ANKRD27: variants seen among roughly 807,000 people sequenced by gnomAD.
ANKRD27 encodes the protein ankyrin repeat domain-containing protein 27.
A neutral mutation model predicts 129.7 loss-of-function variants in ANKRD27; 112 were observed. The ratio of observed to expected loss-of-function variants is 0.86; its 90% confidence interval spans 0.74 to 1.01. The LOEUF (loss-of-function observed/expected upper bound fraction) is 1.01. Among genes scored for constraint, ANKRD27 ranks in the 50% least tolerant of loss-of-function variants. The pLI, the probability that ANKRD27 is intolerant of heterozygous loss-of-function variation, is 0.00. For missense variants in ANKRD27, 1,258 were observed against 1,300.5 expected, an observed-to-expected ratio of 0.97 and a Z score of 0.50; for synonymous variants, 516 against 511.2, an observed-to-expected ratio of 1.01 and a Z score of -0.13.
chr19:32,659,144 T>C (rs998667582), intron 1 of ANKRD27, 99 bp from the exon 2 acceptor site: 2 of 620,360 alleles, frequency 3.2e-6, no homozygotes, highest in African/African-American at 1.9e-5. Flanking sequence ...TTTTTCTTTT[T>C]TTTTTTTTTT....
chr19:32,615,804 CA>C (rs1176719055), intron 21 of ANKRD27, 24 bp from the exon 22 acceptor site: 4 of 1,606,788 alleles, frequency 2.5e-6, no homozygotes, highest in Middle Eastern at 1.7e-4. Flanking sequence ...GTAACGGAAA[CA>C]GGAACACATC....
chr19:32,647,231 C>T (rs981479261), intron 3 of ANKRD27, among the ~76,000 whole-genome samples: 1 of 152,210 alleles, frequency 6.6e-6, no homozygotes, highest in African/African-American at 2.4e-5. Flanking sequence ...ATCGCAGACT[C>T]TCCCTCCGTG....
intron 2 of ANKRD27, among the ~76,000 whole-genome samples, chr19:32,653,370 C>T (rs538739152): frequency 6.6e-6 from 1 of 152,224 alleles, no homozygotes; most frequent in East Asian, 1.9e-4. Context: ...GTTCAATCTC[C>T]TTTGAAATTT....
chr19:32,633,649 T>C (rs1967040238), intron 12 of ANKRD27, among the ~76,000 whole-genome samples: 2 of 152,068 alleles, frequency 1.3e-5, no homozygotes, highest in South Asian at 4.2e-4. Flanking sequence ...TTCTCTCTTT[T>C]TTTCATTCAC....
At position 32,641,764 on chromosome 19, in the gene ANKRD27, C is replaced by CTTTTTTTTTTTTTTTT. The variant is rs35422369; in HGVS notation, c.904+259_904+260insAAAAAAAAAAAAAAAA. Among the ~76,000 whole-genome samples, 4 of 79,726 alleles carry CTTTTTTTTTTTTTTTT rather than the reference C, an allele frequency of 5.0e-5. 1 individual carries two copies. The highest frequency in any genetic ancestry group is 7.1e-5 in the African/African-American group (1 of 14,170). 52.3% of individuals were successfully genotyped at this position (79,726 alleles called of 152,430 possible). A position where few individuals can be genotyped will look rare whatever the true frequency, so the allele number is the denominator to read the frequency against. On this transcript the variant is annotated intron_variant, in intron 10 of 28. Coordinates refer to ENST00000306065, the MANE Select transcript of ANKRD27 (RefSeq NM_032139.3). ...TTTCTTGACTTGTTTTCTTTTACTT[C>CTTTTTTTTTTTTTTTT]TTCTTTTTTTTTTTTTTTTTTGAGA...
rs1005057190 is a variant in ANKRD27, at chr19:32,621,795, T to TC, written c.1827+626dup. On this transcript the variant is annotated intron_variant, in intron 18 of 28. Coordinates refer to ENST00000306065, the MANE Select transcript of ANKRD27 (RefSeq NM_032139.3). Reference sequence around the variant, plus strand: ...GTCTCCATTTCACAGGGCCCTGTGCTCCCCCTGGTCAGTCTGCCACATGCC... The same window carrying TC: ...GTCTCCATTTCACAGGGCCCTGTGCTCCCCCCTGGTCAGTCTGCCACATGCC... 6.6e-5 allele frequency among the ~76,000 whole-genome samples: 10 copies of TC among 151,814 alleles called. 1 individual carries two copies. Among genetic ancestry groups the TC allele is most frequent in the South Asian group, 6.2e-4 (3 of 4,804 alleles).
At chr19:32,666,068 C>T (rs146060711) in intron 1 of ANKRD27, among the ~76,000 whole-genome samples, 2,145 of 152,098 alleles carry the variant, frequency 0.014, 49 homozygotes, top group Non-Finnish European at 0.017. Flanking sequence ...ACACTCAGCC[C>T]TATAATTATG....
chr19:32,610,664 C>A (rs761814517), intron 22 of ANKRD27, among the ~76,000 whole-genome samples: 1 of 151,048 alleles, frequency 6.6e-6, no homozygotes, highest in Non-Finnish European at 1.5e-5. Flanking sequence ...TGGCGGCATG[C>A]ACCTGTAGTC....
At chr19:32,636,571 T>C (rs1429593913) in intron 12 of ANKRD27, 1 of 151,790 alleles carries the variant, frequency 6.6e-6, no homozygotes, top group Admixed American at 6.6e-5. Flanking sequence ...TATTAATAAG[T>C]GTCACCCCTG....
In ANKRD27 at chr19:32,619,362, C is replaced by A. The variant is rs377049560; in HGVS notation, c.1905G>T (p.Pro635=). 3.7e-6 allele frequency: 6 copies of A among 1,613,706 alleles called. No individual in the cohort carries two copies. Among genetic ancestry groups the A allele is most frequent in the Non-Finnish European group, 5.1e-6 (6 of 1,180,004 alleles). Residue 635 remains proline (P), a synonymous_variant, in exon 20 of 29, where the codon CCG becomes CCT. Transcript: ENST00000306065. Reference sequence around the variant, plus strand: ...GGCTGATGGAGTCCACGGAGCGCTGCGGGGACTGCACAGGGGCCTGCAGCC... The same window carrying A: ...GGCTGATGGAGTCCACGGAGCGCTGAGGGGACTGCACAGGGGCCTGCAGCC... ...QKSSEAPVQS[P]QRSVDSISQE...
intron 2 of ANKRD27, among the ~76,000 whole-genome samples, chr19:32,657,616 C>CT (rs1011052541): frequency 6.7e-6 from 1 of 149,752 alleles, no homozygotes; most frequent in Non-Finnish European, 1.5e-5. Context: ...GAGTGAGACT[C>CT]TGTCTCAAAA....
rs948759892 is a variant in ANKRD27, at chr19:32,598,087, G to C, written c.*58C>G. 6.0e-6 allele frequency: 9 copies of C among 1,496,994 alleles called. No homozygotes were observed. Among genetic ancestry groups the C allele is most frequent in the Non-Finnish European group, 8.4e-6 (9 of 1,075,030 alleles). 92.7% of individuals were successfully genotyped at this position (1,496,994 alleles called of 1,614,324 possible). A position where few individuals can be genotyped will look rare whatever the true frequency, so the allele number is the denominator to read the frequency against. On this transcript the variant is annotated 3_prime_UTR_variant, in exon 29 of 29. Coordinates refer to ENST00000306065, the MANE Select transcript of ANKRD27 (RefSeq NM_032139.3). ...TAGTTCTCAGATGTGTTCACGCTCA[G>C]CATCATCTTGTTGCATCCTTGCTTC...
chr19:32,609,649 G>A (rs1418363555), intron 22 of ANKRD27, among the ~76,000 whole-genome samples: 5 of 138,658 alleles, frequency 3.6e-5, no homozygotes, highest in South Asian at 5.3e-4. Flanking sequence ...TGGGAGAGGC[G>A]ATGGGGGAAT....
At chr19:32,607,487 G>T in intron 23 of ANKRD27, 148 bp downstream of exon 23, 2 of 948,140 alleles carry the variant, frequency 2.1e-6, no homozygotes, top group Non-Finnish European at 1.6e-6. Flanking sequence ...AGGCTGAGTG[G>T]CCTACCGTGT....
chr19:32,639,737 A>T (rs998575325), intron 11 of ANKRD27, among the ~76,000 whole-genome samples: 16 of 152,086 alleles, frequency 1.1e-4, no homozygotes, highest in Non-Finnish European at 1.8e-4. Flanking sequence ...GTTCCAGGGG[A>T]GAGATTATGG....
intron 1 of ANKRD27, among the ~76,000 whole-genome samples, chr19:32,672,303 G>GT (rs1967886277): frequency 6.6e-6 from 1 of 152,256 alleles, no homozygotes; most frequent in South Asian, 2.1e-4. Context: ...ATGTGGTGAT[G>GT]TATGTATGCT....
At chr19:32,652,364 T>TG (rs1967434392) in intron 2 of ANKRD27, among the ~76,000 whole-genome samples, 1 of 151,746 alleles carries the variant, frequency 6.6e-6, no homozygotes, top group African/African-American at 2.4e-5. Context: ...CTGAGGCAGG[T>TG]GGATCACCTG....
At chr19:32,626,559 T>G (rs1972094152) in intron 16 of ANKRD27, among the ~76,000 whole-genome samples, 153 bp downstream of exon 16, 1 of 150,706 alleles carries the variant, frequency 6.6e-6, no homozygotes, top group Non-Finnish European at 1.5e-5. Flanking sequence ...TTGGACTCCC[T>G]GACTACTGCT....
chr19:32,626,831 C>A lies in ANKRD27; in HGVS notation c.1421-4G>T, dbSNP rs1198644722. The A allele has an allele frequency of 1.2e-6, 2 of 1,603,324 alleles. No individual in the cohort carries two copies. Among genetic ancestry groups the A allele is most frequent in the Admixed American group, 3.4e-5 (2 of 58,610 alleles). ...AGGTCGATGAGGGATGCCTGCCCTG[C>A]AGAGCAGAAGGACGTCACGATGGAG... is the stretch of plus-strand genomic sequence containing the variant. On this transcript the variant is annotated splice_polypyrimidine_tract_variant and splice_region_variant and intron_variant, in intron 15 of 28. Transcript: ENST00000306065.
Sources: allele counts gnomAD v4.1 joint callset (sites outside exome capture counted in the v4.1 genomes callset), GRCh38; gene constraint gnomAD v4.1.1; transcripts MANE v1.5; gene names NCBI Gene and HGNC (gene_info 2026-07-23, HGNC 2026-07-21).